Variants in RBM47 observed in about 807,000 individuals in gnomAD.
RBM47 encodes the protein RNA-binding protein 47.
A neutral mutation model predicts 47.1 loss-of-function variants in RBM47; 21 were observed. The ratio of observed to expected loss-of-function variants is 0.45; its 90% confidence interval spans 0.32 to 0.64. The LOEUF (loss-of-function observed/expected upper bound fraction) is 0.64. Ranked by LOEUF, RBM47 falls within the 30% of genes least tolerant of loss-of-function variation. The probability of loss-of-function intolerance (pLI) is 0.05; values close to 1 mark genes in which losing one functional copy is unlikely to be tolerated. For synonymous variants in RBM47, 375 were observed against 361.7 expected, an observed-to-expected ratio of 1.04 and a Z score of -0.42; for missense variants, 708 against 870.9, an observed-to-expected ratio of 0.81 and a Z score of 2.35.
In RBM47 at chr4:40,619,730, C is replaced by T. The variant is rs560805310; in HGVS notation, c.-240+9666G>A. 2.6e-5 allele frequency among the ~76,000 whole-genome samples: 4 copies of T among 152,312 alleles called. No homozygotes were observed. The East Asian group carries it at 7.7e-4, about 29-fold the overall frequency. ...GGAGGAGCCTTCTCTGATGACCTCACCTATGGGATTCCCACCTACTATTGT... is the reference window on the plus strand; with the variant it reads ...GGAGGAGCCTTCTCTGATGACCTCATCTATGGGATTCCCACCTACTATTGT... On this transcript the variant is annotated intron_variant, in intron 1 of 6. Transcript: ENST00000295971.
chr4:40,432,798 A>T lies in RBM47; in HGVS notation c.1395T>A (p.Ile465=). 6.2e-7 allele frequency: 1 copy of T among 1,613,946 alleles called. No individual in the cohort carries two copies. Among genetic ancestry groups the T allele is most frequent in the Middle Eastern group, 1.7e-4 (1 of 5,996 alleles). The part of the protein sequence containing the change: ...MFPAAPAPKM[I]EDGKIHTVEH... ...CCACTGTGTGGATTTTGCCATCTTC[A>T]ATCATTTTAGGGGCTGGAGCTGCTG... Residue 465 remains isoleucine (I), a synonymous_variant, in exon 6 of 7, where the codon ATT becomes ATA. Coordinates refer to ENST00000295971, the MANE Select transcript of RBM47 (RefSeq NM_001098634.2).
chr4:40,558,290 C>T (rs1730282889), intron 1 of RBM47, among the ~76,000 whole-genome samples: 1 of 152,090 alleles, frequency 6.6e-6, no homozygotes. Flanking sequence ...TTTGGTCTGT[C>T]ATTTGCTTTA....
chr4:40,614,846 CAA>C (rs1386595397), intron 1 of RBM47, among the ~76,000 whole-genome samples: 2 of 151,846 alleles, frequency 1.3e-5, no homozygotes, highest in South Asian at 2.1e-4. Context: ...CACACATACA[CAA>C]AAGAGTCTCA....
At chr4:40,599,991 C>T (rs1735097583) in intron 1 of RBM47, among the ~76,000 whole-genome samples, 1 of 151,948 alleles carries the variant, frequency 6.6e-6, no homozygotes, top group Non-Finnish European at 1.5e-5. Flanking sequence ...AGTGCCTTTC[C>T]CACGCCAAAG....
intron 1 of RBM47, among the ~76,000 whole-genome samples, chr4:40,623,602 C>T (rs1737465181): frequency 6.6e-6 from 1 of 152,120 alleles, no homozygotes; most frequent in Admixed American, 6.6e-5. Flanking sequence ...CCTTGAGCGC[C>T]TGTCATCCAG....
At chr4:40,592,722 C>A (rs1330515612) in intron 1 of RBM47, among the ~76,000 whole-genome samples, 1 of 149,904 alleles carries the variant, frequency 6.7e-6, no homozygotes, top group East Asian at 2.0e-4. Flanking sequence ...CCGCGCCTGG[C>A]CAACTTTTGT....
At chr4:40,464,890 CAAAAAAAAAAAA>C (rs71646997) in intron 3 of RBM47, among the ~76,000 whole-genome samples, 15 of 32,094 alleles carry the variant, frequency 4.7e-4, no homozygotes, top group Admixed American at 1.0e-3. Flanking sequence ...GACTCTGTCT[CAAAAAAAAAAAA>C]AAAAAAAAAA....
chr4:40,441,739 C>T (rs1327051845), intron 3 of RBM47, among the ~76,000 whole-genome samples: 1 of 152,228 alleles, frequency 6.6e-6, no homozygotes, highest in Admixed American at 6.5e-5. Flanking sequence ...TTACAGTAGT[C>T]AGGCTACGGA....
At chr4:40,599,923 T>C (rs542745741) in intron 1 of RBM47, among the ~76,000 whole-genome samples, 2 of 152,248 alleles carry the variant, frequency 1.3e-5, no homozygotes, top group South Asian at 4.1e-4. Flanking sequence ...AACTGAGCCC[T>C]TGGCATCATT....
intron 3 of RBM47, among the ~76,000 whole-genome samples, chr4:40,450,972 A>G (rs1715333832): frequency 6.6e-6 from 1 of 152,158 alleles, no homozygotes; most frequent in South Asian, 2.1e-4. Flanking sequence ...CATGGTAGGT[A>G]CTTTTTAAAT....
chr4:40,508,935 C>T (rs1475037292), intron 2 of RBM47, among the ~76,000 whole-genome samples: 3 of 152,034 alleles, frequency 2.0e-5, no homozygotes, highest in Non-Finnish European at 4.4e-5. Context: ...CCAAGGTGGG[C>T]GGATCACCTG....
At chr4:40,551,640 C>A (rs1262706033) in intron 1 of RBM47, among the ~76,000 whole-genome samples, 1 of 149,038 alleles carries the variant, frequency 6.7e-6, no homozygotes, top group Non-Finnish European at 1.5e-5. Context: ...AATCAAATAG[C>A]GTACTTTTCT....
intron 2 of RBM47, among the ~76,000 whole-genome samples, chr4:40,510,813 T>G (rs1485868817): frequency 6.6e-6 from 1 of 152,144 alleles, no homozygotes; most frequent in Non-Finnish European, 1.5e-5. Flanking sequence ...GGCTCACACC[T>G]GTAATCCCAA....
Position 40,432,708 on chromosome 4 carries a change from C to T in RBM47, c.1485G>A (p.Ala495=), listed in dbSNP as rs755929230. 307 of 1,589,718 alleles carry T rather than the reference C, an allele frequency of 1.9e-4. 1 individual carries two copies. The highest frequency in any genetic ancestry group is 4.4e-4 in the African/African-American group (33 of 74,260). Residue 495 remains alanine (A), a synonymous_variant, in exon 6 of 7, where the codon GCG becomes GCA. Transcript: ENST00000295971. ...TGACAGCGGCTGCGGCGGCTGCGGC[C>T]GCGGCTGCGGCGGCAGCAGCACTGG... ...DPASAAAAAA[A]AAAAAAAVIP...
intron 3 of RBM47, among the ~76,000 whole-genome samples, chr4:40,466,071 T>C (rs1408513091): frequency 1.3e-5 from 2 of 151,918 alleles, no homozygotes; most frequent in African/African-American, 4.8e-5. Context: ...GTTTGAGAAC[T>C]AGCCTGGCCA....
intron 2 of RBM47, among the ~76,000 whole-genome samples, chr4:40,516,593 G>A (rs533252800): frequency 6.6e-6 from 1 of 152,188 alleles, no homozygotes; most frequent in South Asian, 2.1e-4. Flanking sequence ...ACTATTTTAT[G>A]TGACATATCA....
At chr4:40,535,255 A>G (rs555554756) in intron 2 of RBM47, among the ~76,000 whole-genome samples, 1 of 152,272 alleles carries the variant, frequency 6.6e-6, no homozygotes, top group African/African-American at 2.4e-5. Flanking sequence ...TTAAGATTCC[A>G]AGAATCACTG....
At chr4:40,592,177 A>C (rs1250800386) in intron 1 of RBM47, among the ~76,000 whole-genome samples, 1 of 152,176 alleles carries the variant, frequency 6.6e-6, no homozygotes, top group Non-Finnish European at 1.5e-5. Context: ...AGTAGAGTAC[A>C]GGGGAATCAT....
At chr4:40,532,944 T>C (rs1415531174) in intron 2 of RBM47, among the ~76,000 whole-genome samples, 1 of 152,118 alleles carries the variant, frequency 6.6e-6, no homozygotes, top group Non-Finnish European at 1.5e-5. Context: ...TGAGCAGTGT[T>C]ACAAAGAGGA....
Sources: allele counts gnomAD v4.1 joint callset (sites outside exome capture counted in the v4.1 genomes callset), GRCh38; gene constraint gnomAD v4.1.1; transcripts MANE v1.5; gene names NCBI Gene and HGNC (gene_info 2026-07-23, HGNC 2026-07-21).